The following TUSC3 variants were observed in gnomAD, a reference collection of about 807,000 sequenced individuals.
TUSC3 encodes the protein tumor suppressor candidate 3, also known as dolichyl-diphosphooligosaccharide--protein glycosyltransferase subunit TUSC3.
Under a neutral mutation model 44.8 loss-of-function variants are expected in TUSC3, and 45 were observed. The observed-to-expected ratio is 1.00, with a 90% CI of 0.79 to 1.29. The LOEUF (loss-of-function observed/expected upper bound fraction) is 1.29, where lower values mean the gene tolerates loss of function less well. Among genes scored for constraint, TUSC3 ranks in the 50% most tolerant of loss-of-function variants. The pLI, the probability that TUSC3 is intolerant of heterozygous loss-of-function variation, is 0.00. For synonymous variants in TUSC3, 212 were observed against 152.9 expected (o/e 1.39, Z -2.85); for missense variants, 519 against 437.9 (o/e 1.19, Z -1.65).
chr8:15,504,615 ATATATATTTTT>A (rs1325118588), intron 2 of TUSC3, among the ~76,000 whole-genome samples: 4 of 19,024 alleles, frequency 2.1e-4, no homozygotes, highest in Admixed American at 9.7e-4. Flanking sequence ...ATATATATAT[ATATATATTTTT>A]TTTTTTTTTT....
At chr8:15,687,021 C>T (rs985819507) in intron 6 of TUSC3, among the ~76,000 whole-genome samples, 2 of 151,898 alleles carry the variant, frequency 1.3e-5, no homozygotes, top group Non-Finnish European at 2.9e-5. Context: ...TGCAGTGAGC[C>T]GAGATCGTGC....
At chr8:15,801,996 G>C in the TUSC3 span, among the ~76,000 whole-genome samples, 1,789 of 152,224 alleles carry the variant, frequency 0.012, 42 homozygotes, top group African/African-American at 0.041. Context: ...CTTCACTTCT[G>C]ACCAGCTGTT....
intron 1 of TUSC3, among the ~76,000 whole-genome samples, chr8:15,469,778 G>A (rs1219998497): frequency 6.6e-6 from 1 of 152,010 alleles, no homozygotes; most frequent in Non-Finnish European, 1.5e-5. Flanking sequence ...GATAAACTGT[G>A]GTACATCCAG....
At chr8:15,607,056 T>G (rs1309451620) in intron 1 of TUSC3, among the ~76,000 whole-genome samples, 1 of 152,068 alleles carries the variant, frequency 6.6e-6, no homozygotes, top group Non-Finnish European at 1.5e-5. Context: ...CCCGCAAGTT[T>G]CAGTAGTAAG....
intron 6 of TUSC3, among the ~76,000 whole-genome samples, chr8:15,674,871 G>A (rs1808113291): frequency 6.6e-6 from 1 of 151,808 alleles, no homozygotes. Context: ...AAAATAATTG[G>A]AAGCAATTTT....
At chr8:15,737,121 T>C (rs17474466) in intron 7 of TUSC3, among the ~76,000 whole-genome samples, 49,356 of 151,982 alleles carry the variant, frequency 0.32, 8,813 homozygotes, top group Non-Finnish European at 0.4. Context: ...GTTTCTAGTC[T>C]ATTATAGAGA....
At chr8:15,798,959 A>G in the TUSC3 span, among the ~76,000 whole-genome samples, 1 of 152,176 alleles carries the variant, frequency 6.6e-6, no homozygotes, top group East Asian at 1.9e-4. Context: ...TGGGTCTCCT[A>G]TATCAACATT....
rs149543260 is a variant in TUSC3 at position 15,673,302 on chromosome 8, G to A, written c.709-445G>A. Among the ~76,000 whole-genome samples, 4 of 152,136 alleles carry A rather than the reference G, an allele frequency of 2.6e-5. No individual in the cohort carries two copies. The East Asian group carries it at 7.8e-4, about 29-fold the overall frequency. ...TATTTAGGTACTTACGGAGATTTAA[G>A]TACCGTAATCCAAGAATGTAGGGTT... On this transcript the variant is annotated intron_variant, in intron 5 of 10. Transcript: ENST00000503731.
intron 1 of TUSC3, among the ~76,000 whole-genome samples, chr8:15,555,476 G>A (rs969062323): frequency 1.2e-4 from 18 of 150,166 alleles, no homozygotes; most frequent in African/African-American, 4.4e-4. Context: ...TTTTTGTATT[G>A]TAGAGACGAA....
intron 2 of TUSC3, among the ~76,000 whole-genome samples, chr8:15,504,613 ATATATATATTTTTTT>A (rs1475292248): frequency 4.9e-3 from 101 of 20,694 alleles, no homozygotes; most frequent in African/African-American, 0.027. Flanking sequence ...ATATATATAT[ATATATATATTTTTTT>A]TTTTTTTTTT....
chr8:15,711,857 T>C (rs879178239), intron 6 of TUSC3, among the ~76,000 whole-genome samples: 5 of 151,998 alleles, frequency 3.3e-5, no homozygotes, highest in African/African-American at 9.6e-5. Flanking sequence ...TTTTAAAATA[T>C]ATAGCTTCCT....
chr8:15,509,641 C>T (rs894644373), intron 2 of TUSC3, among the ~76,000 whole-genome samples: 22 of 151,930 alleles, frequency 1.4e-4, no homozygotes, highest in African/African-American at 4.8e-4. Flanking sequence ...AGCACAGAAA[C>T]ATTGGATTAA....
rs1812316395 is a variant in TUSC3, at chr8:15,766,038, GAC to G, written c.*1885_*1886del. ...TCATATCAAAGTCAGGTCATCCTCA[GAC>G]ACTATAACTAAGATAGATAAGGAGT... is the stretch of plus-strand genomic sequence containing the variant. On this transcript the variant is annotated 3_prime_UTR_variant, in exon 11 of 11. Transcript: ENST00000503731. The G allele has an allele frequency of 6.6e-6, 1 of 152,026 alleles. No homozygotes were observed. Among genetic ancestry groups the G allele is most frequent in the Non-Finnish European group, 1.5e-5 (1 of 67,966 alleles). The allele number at this position is 152,026 out of a possible 1,614,324, so 9.4% of individuals were successfully genotyped here. A position where few individuals can be genotyped will look rare whatever the true frequency, so the allele number is the denominator to read the frequency against.
chr8:15,532,663 G>A (rs146063275), intron 2 of TUSC3, among the ~76,000 whole-genome samples: 1 of 152,302 alleles, frequency 6.6e-6, no homozygotes, highest in Non-Finnish European at 1.5e-5. Context: ...GTTTGGTTCT[G>A]TGTCCCCACC....
intron 1 of TUSC3, among the ~76,000 whole-genome samples, chr8:15,620,181 T>C (rs1805181491): frequency 6.6e-6 from 1 of 152,200 alleles, no homozygotes. Context: ...TACTCTAATC[T>C]GTTGAGGGTA....
At chr8:15,469,726 C>G (rs150418062) in intron 1 of TUSC3, among the ~76,000 whole-genome samples, 1 of 152,284 alleles carries the variant, frequency 6.6e-6, no homozygotes, top group East Asian at 1.9e-4. Flanking sequence ...TTCACAATTT[C>G]CAATACTTGG....
chr8:15,590,582 C>T (rs1803787186), intron 1 of TUSC3, among the ~76,000 whole-genome samples: 1 of 152,020 alleles, frequency 6.6e-6, no homozygotes, highest in Non-Finnish European at 1.5e-5. Context: ...CTGAACACCA[C>T]TCTGCCATGT....
the TUSC3 span, among the ~76,000 whole-genome samples, chr8:15,772,243 T>G: frequency 1.3e-5 from 2 of 151,772 alleles, no homozygotes; most frequent in Non-Finnish European, 2.9e-5. Flanking sequence ...AACAATAAAG[T>G]CAATGAAACC....
intron 1 of TUSC3, among the ~76,000 whole-genome samples, chr8:15,446,619 C>A (rs1800107307): frequency 1.3e-5 from 2 of 151,170 alleles, no homozygotes; most frequent in African/African-American, 2.4e-5. Flanking sequence ...CCCAGGCGCT[C>A]GGCAGGCTGA....
Sources: gnomAD v4.1 joint callset for allele counts (sites outside exome capture counted in the v4.1 genomes callset) on GRCh38, gnomAD v4.1.1 for gene constraint, MANE v1.5 for transcripts, NCBI Gene and HGNC (gene_info 2026-07-23, HGNC 2026-07-21) for gene names.